SYNPO2: variants seen among roughly 807,000 people sequenced by gnomAD.
SYNPO2 encodes synaptopodin 2, also known as synaptopodin-2.
A neutral mutation model predicts 85.0 loss-of-function variants in SYNPO2; 56 were observed. The observed-to-expected ratio is 0.66, with a 90% CI of 0.53 to 0.82. SYNPO2 has a LOEUF of 0.82. SYNPO2 is among the 40% of genes least tolerant of loss of function. The pLI is 0.00. For synonymous variants in SYNPO2, 602 were observed against 591.1 expected (o/e 1.02, Z -0.27); for missense variants, 1,575 against 1,534.2 (o/e 1.03, Z -0.44).
chr4:118,879,331 G>A (rs568584811), intron 1 of SYNPO2, among the ~76,000 whole-genome samples: 1 of 152,154 alleles, frequency 6.6e-6, no homozygotes, highest in Non-Finnish European at 1.5e-5. Context: ...CTAGGCTCTG[G>A]GGAACTGAAC....
intron 3 of SYNPO2, 56 bp from the exon 4 acceptor site, chr4:119,029,789 G>T: frequency 1.4e-6 from 2 of 1,479,688 alleles, no homozygotes; most frequent in East Asian, 2.3e-5. Flanking sequence ...AGTTGCTGTG[G>T]TGTCTTCCTT....
chr4:118,949,764 A>G (rs1482864231), intron 1 of SYNPO2, among the ~76,000 whole-genome samples: 1 of 152,032 alleles, frequency 6.6e-6, no homozygotes, highest in East Asian at 1.9e-4. Flanking sequence ...ATAAAATAAA[A>G]TAAAATAAAA....
intron 1 of SYNPO2, among the ~76,000 whole-genome samples, chr4:118,936,072 G>T (rs1249792535): frequency 3.9e-5 from 6 of 152,178 alleles, no homozygotes; most frequent in Non-Finnish European, 8.8e-5. Flanking sequence ...GTTCAAACCT[G>T]TGTTGCTCAA....
chr4:118,885,463 A>G (rs1039503876), upstream of SYNPO2, among the ~76,000 whole-genome samples: 1 of 146,326 alleles, frequency 6.8e-6, no homozygotes, highest in East Asian at 2.1e-4. Context: ...AGTTAGATCC[A>G]TAGGTCTTTT....
chr4:118,998,062 G>A (rs1736683704), intron 1 of SYNPO2, among the ~76,000 whole-genome samples: 1 of 152,150 alleles, frequency 6.6e-6, no homozygotes, highest in East Asian at 1.9e-4. Flanking sequence ...TGACGGGGGT[G>A]GTAAGGATGG....
rs183908687 is a variant in SYNPO2, at chr4:118,998,720, A to G, written c.106-24710A>G. 4.2e-3 allele frequency among the ~76,000 whole-genome samples: 639 copies of G among 152,276 alleles called. 4 individuals are homozygous for G. Among genetic ancestry groups the G allele is most frequent in the Non-Finnish European group, 6.9e-3 (469 of 68,012 alleles). On this transcript the variant is annotated intron_variant, in intron 1 of 4. Transcript: ENST00000307142. ...CTGGATCTCAGTTGTTCTGTCTGTG[A>G]AAAATAGAGGGTAGGTGTTTTAATG...
At chr4:118,950,151 A>G (rs1217072478) in intron 1 of SYNPO2, among the ~76,000 whole-genome samples, 6 of 152,252 alleles carry the variant, frequency 3.9e-5, no homozygotes, top group Non-Finnish European at 8.8e-5. Flanking sequence ...TTAGAAAATC[A>G]TCATTTCATT....
Position 119,060,281 on chromosome 4 carries a change from T to C in SYNPO2, c.*2347T>C, listed in dbSNP as rs1373743196. The C allele has an allele frequency of 6.6e-6, 1 of 152,190 alleles. No homozygotes were observed. Among genetic ancestry groups the C allele is most frequent in the East Asian group, 1.9e-4 (1 of 5,204 alleles). 9.4% of individuals were successfully genotyped at this position (152,190 alleles called of 1,614,324 possible). On this transcript the variant is annotated 3_prime_UTR_variant, in exon 5 of 5. Transcript: ENST00000307142. The stretch of plus-strand genomic sequence containing the variant: ...ATCTGTATTAAGCTATCTGAATTTA[T>C]TCGAGACATTAAGAAAAAGACAGTA...
chr4:119,004,087 A>G (rs1736921242), intron 1 of SYNPO2, among the ~76,000 whole-genome samples: 1 of 152,186 alleles, frequency 6.6e-6, no homozygotes, highest in Non-Finnish European at 1.5e-5. Context: ...TCGGCCCTAC[A>G]TTCACCTTTA....
At chr4:119,000,197 C>T (rs906080709) in intron 1 of SYNPO2, among the ~76,000 whole-genome samples, 4 of 152,020 alleles carry the variant, frequency 2.6e-5, no homozygotes, top group East Asian at 1.9e-4. Flanking sequence ...CAAGGTTTGG[C>T]GACTTAATGA....
At position 119,007,225 on chromosome 4, in the gene SYNPO2, TATATATATA is replaced by T. The variant is rs201561130; in HGVS notation, c.106-16204_106-16196del. 4.9e-3 allele frequency among the ~76,000 whole-genome samples: 236 copies of T among 48,274 alleles called. 2 individuals are homozygous for T. Among genetic ancestry groups the T allele is most frequent in the Non-Finnish European group, 6.1e-3 (168 of 27,398 alleles). 31.7% of individuals were successfully genotyped at this position (48,274 alleles called of 152,430 possible). A position where few individuals can be genotyped will look rare whatever the true frequency, so the allele number is the denominator to read the frequency against. ...ACAAAAAAGAACAAAGGTATATATA[TATATATATA>T]TATATATATATGTATATACATATAT... is the stretch of plus-strand genomic sequence containing the variant. On this transcript the variant is annotated intron_variant, in intron 1 of 4. Transcript: ENST00000307142.
At chr4:118,983,876 C>T (rs1192752624) in intron 1 of SYNPO2, among the ~76,000 whole-genome samples, 2 of 152,320 alleles carry the variant, frequency 1.3e-5, no homozygotes, top group Middle Eastern at 3.4e-3. Context: ...CTTTCCTGCA[C>T]AGCCTCCCCA....
intron 1 of SYNPO2, among the ~76,000 whole-genome samples, chr4:118,947,422 C>A: frequency 6.6e-6 from 1 of 152,200 alleles, no homozygotes; most frequent in East Asian, 1.9e-4. Context: ...TTCATGTCAA[C>A]AGCCTGAGCC....
intron 1 of SYNPO2, among the ~76,000 whole-genome samples, chr4:118,956,811 G>C (rs1219414304): frequency 6.6e-6 from 1 of 152,214 alleles, no homozygotes; most frequent in African/African-American, 2.4e-5. Context: ...TTGGGAGGGC[G>C]AGGTGGGCAG....
intron 1 of SYNPO2, among the ~76,000 whole-genome samples, chr4:118,905,399 T>A (rs986839482): frequency 7.2e-5 from 11 of 152,002 alleles, no homozygotes; most frequent in African/African-American, 2.7e-4. Context: ...TAATATCGCC[T>A]TACCTGCAGA....
At chr4:119,034,843 T>C (rs1224434794) in intron 4 of SYNPO2, 1 of 985,380 alleles carries the variant, frequency 1.0e-6, no homozygotes, top group Non-Finnish European at 1.2e-6. Context: ...CCTCCAGACG[T>C]CAGCCTCCCT....
At chr4:119,020,823 T>C (rs972879353) in intron 1 of SYNPO2, among the ~76,000 whole-genome samples, 1 of 152,206 alleles carries the variant, frequency 6.6e-6, no homozygotes, top group South Asian at 2.1e-4. Context: ...TGTTGTATCC[T>C]TTACTTATTA....
intron 4 of SYNPO2, chr4:119,032,389 C>CT: frequency 1.7e-6 from 2 of 1,174,868 alleles, no homozygotes; most frequent in Non-Finnish European, 2.1e-6. Context: ...AGGAATCAGC[C>CT]TTTATGTAAC....
At chr4:118,886,465 A>G (rs1732201802), upstream of SYNPO2, among the ~76,000 whole-genome samples, 1 of 152,060 alleles carries the variant, frequency 6.6e-6, no homozygotes, top group African/African-American at 2.4e-5. Context: ...ATGTGTTCTC[A>G]TTGTTCAACT....
Sources: gnomAD v4.1 joint callset for allele counts (sites outside exome capture counted in the v4.1 genomes callset) on GRCh38, gnomAD v4.1.1 for gene constraint, MANE v1.5 for transcripts, NCBI Gene and HGNC (gene_info 2026-07-23, HGNC 2026-07-21) for gene names.